CUX1: variants seen among roughly 807,000 people sequenced by gnomAD.
CUX1 encodes protein CASP.
CUX1 carries 31 observed loss-of-function variants against 158.8 expected under a neutral mutation model. That is an observed-to-expected ratio of 0.20 (90% CI 0.15 to 0.26). CUX1 has a LOEUF of 0.26. Ranked by LOEUF, CUX1 falls within the 10% of genes least tolerant of loss-of-function variation. CUX1 has a pLI of 1.00. For synonymous variants in CUX1, 879 were observed against 862.1 expected (o/e 1.02, Z -0.34); for missense variants, 1,589 against 2,014.6 (o/e 0.79, Z 4.04).
rs184960775 is a variant in CUX1 at position 102,255,290 on chromosome 7, T to G, written c.*6248T>G. Reference sequence around the variant, plus strand: ...ATCATCTCGAGTTTTCATTTTTGGATGAAGTGACATTTAGCTTTAACAAGA... The same window carrying G: ...ATCATCTCGAGTTTTCATTTTTGGAGGAAGTGACATTTAGCTTTAACAAGA... On this transcript the variant is annotated 3_prime_UTR_variant, in exon 24 of 24. Transcript: ENST00000292535. The G allele has an allele frequency of 3.5e-5, 34 of 984,308 alleles. No individual in the cohort carries two copies. Among genetic ancestry groups the G allele is most frequent in the Admixed American group, 6.2e-5 (1 of 16,068 alleles). The allele number at this position is 984,308 out of a possible 1,614,324, so 61.0% of individuals were successfully genotyped here. A position where few individuals can be genotyped will look rare whatever the true frequency, so the allele number is the denominator to read the frequency against.
intron 8 of CUX1, among the ~76,000 whole-genome samples, chr7:102,132,926 C>T (rs2131324734): frequency 6.6e-6 from 1 of 152,192 alleles, no homozygotes; most frequent in East Asian, 1.9e-4. Flanking sequence ...CTGCCTCAGC[C>T]TCCCAAAGTG....
chr7:102,214,150 T>C (rs192363717), intron 20 of CUX1, among the ~76,000 whole-genome samples: 23 of 150,636 alleles, frequency 1.5e-4, no homozygotes, highest in Middle Eastern at 3.4e-3. Context: ...ATAATAATAA[T>C]AATAAGTGGA....
At chr7:102,120,550 G>A (rs1393595562) in intron 8 of CUX1, among the ~76,000 whole-genome samples, 5 of 152,150 alleles carry the variant, frequency 3.3e-5, no homozygotes, top group Admixed American at 2.6e-4. Flanking sequence ...TACTTACATA[G>A]TACGGTTACA....
intron 3 of CUX1, among the ~76,000 whole-genome samples, chr7:102,031,960 A>G (rs66544039): frequency 0.4 from 60,246 of 149,662 alleles, 12,843 homozygotes; most frequent in Non-Finnish European, 0.46. Flanking sequence ...GTCTGGCTCT[A>G]TCACCCAGGG....
At chr7:102,166,069 G>A (rs539619760) in intron 9 of CUX1, among the ~76,000 whole-genome samples, 2 of 152,266 alleles carry the variant, frequency 1.3e-5, no homozygotes. Flanking sequence ...GAGGATGTGA[G>A]GTGTGCCTGG....
intron 2 of CUX1, among the ~76,000 whole-genome samples, chr7:101,954,355 A>T (rs920370079): frequency 2.6e-5 from 4 of 152,210 alleles, no homozygotes; most frequent in African/African-American, 9.6e-5. Context: ...GTCTCAACAA[A>T]ATAAAATTGT....
rs782231502 is a variant in CUX1 at position 102,157,284 on chromosome 7, T to TC, written c.675-1273dup. Among the ~76,000 whole-genome samples the TC allele has an allele frequency of 3.3e-5, 5 of 151,948 alleles. No individual in the cohort carries two copies. The East Asian group carries it at 9.7e-4, about 30-fold the overall frequency. On this transcript the variant is annotated intron_variant, in intron 8 of 23. Transcript: ENST00000292535. ...ATGAGAGCCCTCAACCCCAACCAGG[T>TC]CCCTGTGGCTGTAACATTGGCTCCA... is the stretch of plus-strand genomic sequence containing the variant.
chr7:101,938,870 G>A (rs538235986), intron 2 of CUX1, among the ~76,000 whole-genome samples: 3 of 151,416 alleles, frequency 2.0e-5, no homozygotes, highest in Non-Finnish European at 2.9e-5. Context: ...GTGATACTTC[G>A]CCTCTACTAA....
intron 1 of CUX1, among the ~76,000 whole-genome samples, chr7:101,842,482 G>T (rs373997017): frequency 5.3e-4 from 80 of 152,180 alleles, no homozygotes; most frequent in African/African-American, 1.9e-3. Flanking sequence ...CTGCCTCCCA[G>T]GATCAAGCAA....
intron 1 of CUX1, chr7:101,824,863 G>C (rs1793078984): frequency 6.6e-6 from 1 of 152,124 alleles, no homozygotes; most frequent in South Asian, 2.1e-4. Context: ...TTTTGATGAG[G>C]TTTGGAAAAG....
At chr7:101,926,795 C>T (rs1426435486) in intron 2 of CUX1, among the ~76,000 whole-genome samples, 2 of 152,124 alleles carry the variant, frequency 1.3e-5, no homozygotes, top group Admixed American at 1.3e-4. Flanking sequence ...TCCCATTTCA[C>T]CCAGGAGGTG....
intron 1 of CUX1, among the ~76,000 whole-genome samples, chr7:101,866,254 G>A (rs929450022): frequency 1.3e-5 from 2 of 152,086 alleles, no homozygotes; most frequent in African/African-American, 4.8e-5. Flanking sequence ...TTGAGGCCAG[G>A]GGTTCGAGAC....
intron 11 of CUX1, among the ~76,000 whole-genome samples, chr7:102,183,364 C>T (rs950513551): frequency 6.6e-6 from 1 of 151,838 alleles, no homozygotes; most frequent in African/African-American, 2.4e-5. Context: ...GGCACATGCC[C>T]GTTGTCCCAG....
rs556759222 is a variant in CUX1 at position 101,975,200 on chromosome 7, G to A, written c.142-52898G>A. ...CGAGAGATGGAGGTTGCAGTGAGTC[G>A]CGATTGTGCCACTGTACTCCAGCCT... On this transcript the variant is annotated intron_variant, in intron 2 of 23. Coordinates refer to ENST00000292535, the MANE Select transcript of CUX1 (RefSeq NM_181552.4). 9.9e-5 allele frequency among the ~76,000 whole-genome samples: 15 copies of A among 151,962 alleles called. No individual in the cohort carries two copies. In the East Asian group the frequency reaches 2.3e-3, roughly 24 times the overall value.
chr7:102,169,037 G>T (rs975712751), intron 9 of CUX1, among the ~76,000 whole-genome samples: 1 of 150,604 alleles, frequency 6.6e-6, no homozygotes, highest in South Asian at 2.1e-4. Context: ...GGGTTCAAGC[G>T]ATTCTTCTGC....
At chr7:101,823,421 CA>C (rs1225934218) in intron 1 of CUX1, among the ~76,000 whole-genome samples, 3 of 152,164 alleles carry the variant, frequency 2.0e-5, no homozygotes, top group African/African-American at 7.2e-5. Context: ...AAAATGAGCC[CA>C]ATAAGGGGTC....
intron 2 of CUX1, chr7:101,960,310 G>A (rs1047856025): frequency 6.6e-6 from 1 of 152,190 alleles, no homozygotes; most frequent in Non-Finnish European, 1.5e-5. Flanking sequence ...TCTTACCAAG[G>A]AATGCTATGG....
chr7:102,162,613 C>T (rs1453223951), intron 9 of CUX1, among the ~76,000 whole-genome samples: 2 of 152,220 alleles, frequency 1.3e-5, no homozygotes, highest in African/African-American at 4.8e-5. Context: ...CTCCTGGGCT[C>T]AAGCGATCTG....
intron 9 of CUX1, among the ~76,000 whole-genome samples, chr7:102,168,928 C>CTTTTTTTTTTTT (rs1343334279): frequency 2.9e-5 from 1 of 34,092 alleles, no homozygotes; most frequent in Non-Finnish European, 6.2e-5. Flanking sequence ...CTTTTCTTTT[C>CTTTTTTTTTTTT]TTTTATTTTC....
Sources: allele counts gnomAD v4.1 joint callset (sites outside exome capture counted in the v4.1 genomes callset), GRCh38; gene constraint gnomAD v4.1.1; transcripts MANE v1.5; gene names NCBI Gene and HGNC (gene_info 2026-07-23, HGNC 2026-07-21).